Variants in OTUD7A observed in about 807,000 individuals in gnomAD.
OTUD7A encodes OTU deubiquitinase 7A, also known as OTU domain-containing protein 7A.
In OTUD7A, 12 loss-of-function variants were observed where a neutral mutation model predicts 65.7. The ratio of observed to expected loss-of-function variants is 0.18; its 90% CI spans 0.12 to 0.30. The LOEUF (loss-of-function observed/expected upper bound fraction) is 0.30, where lower values mean the gene tolerates loss of function less well. OTUD7A is among the 10% of genes least tolerant of loss of function. The pLI, the probability that OTUD7A is intolerant of heterozygous loss-of-function variation, is 1.00. For missense variants in OTUD7A, 1,148 were observed against 1,304.8 expected, an observed-to-expected ratio of 0.88 and a Z score of 1.85; for synonymous variants, 641 against 586.3, an observed-to-expected ratio of 1.09 and a Z score of -1.35.
chr15:31,537,869 G>A (rs78548845), intron 5 of OTUD7A, among the ~76,000 whole-genome samples: 1 of 152,216 alleles, frequency 6.6e-6, no homozygotes, highest in Non-Finnish European at 1.5e-5. Context: ...AGGAGGGACA[G>A]GGAATATGCT....
At chr15:31,674,502 C>T (rs1892553833) in intron 1 of OTUD7A, among the ~76,000 whole-genome samples, 2 of 152,224 alleles carry the variant, frequency 1.3e-5, no homozygotes, top group African/African-American at 2.4e-5. Flanking sequence ...TACCCTTGCA[C>T]CTACTGCAGA....
intron 8 of OTUD7A, among the ~76,000 whole-genome samples, chr15:31,522,197 G>C (rs11638123): frequency 0.012 from 1,814 of 152,326 alleles, 14 homozygotes; most frequent in Admixed American, 0.02. Context: ...ATTAGCATTT[G>C]AATTGCTGGA....
chr15:31,506,017 C>T (rs988438033), intron 8 of OTUD7A, among the ~76,000 whole-genome samples: 3 of 151,992 alleles, frequency 2.0e-5, no homozygotes, highest in Non-Finnish European at 4.4e-5. Flanking sequence ...GGATTACAGA[C>T]GTGAGCCACC....
intron 3 of OTUD7A, among the ~76,000 whole-genome samples, chr15:31,616,422 G>A (rs1272248425): frequency 6.6e-6 from 1 of 152,186 alleles, no homozygotes; most frequent in Non-Finnish European, 1.5e-5. Flanking sequence ...ATATATATAT[G>A]TGAAAAGAAG....
chr15:31,766,639 A>G (rs1895101021), intron 1 of OTUD7A: 1 of 1,604,750 alleles, frequency 6.2e-7, no homozygotes, highest in Non-Finnish European at 8.5e-7. Context: ...ACTACTTGTT[A>G]AAAGCAAACT....
chr15:31,501,121 T>C (rs1224765213), intron 10 of OTUD7A, among the ~76,000 whole-genome samples: 1 of 152,280 alleles, frequency 6.6e-6, no homozygotes, highest in Non-Finnish European at 1.5e-5. Context: ...TGTTGACCTT[T>C]TGAGTTAAAA....
chr15:31,710,547 A>AG (rs1368748311), intron 1 of OTUD7A, among the ~76,000 whole-genome samples: 61 of 152,244 alleles, frequency 4.0e-4, no homozygotes, highest in African/African-American at 1.3e-3. Flanking sequence ...ACCTCAGGGC[A>AG]GGGGGCACCA....
At chr15:31,736,937 T>A (rs1894209723) in intron 1 of OTUD7A, among the ~76,000 whole-genome samples, 1 of 152,040 alleles carries the variant, frequency 6.6e-6, no homozygotes, top group Non-Finnish European at 1.5e-5. Context: ...TTCTCCTGCC[T>A]CAGCCTCCCA....
chr15:31,680,519 T>A (rs1446742557), intron 1 of OTUD7A, among the ~76,000 whole-genome samples: 1 of 152,134 alleles, frequency 6.6e-6, no homozygotes, highest in East Asian at 1.9e-4. Context: ...GGGAAAAAGG[T>A]CTCATGGGTA....
intron 5 of OTUD7A, chr15:31,557,873 C>G (rs1888550072): frequency 6.6e-6 from 1 of 152,218 alleles, no homozygotes; most frequent in South Asian, 2.1e-4. Flanking sequence ...AAAAGCTCTA[C>G]TCCCTAACAG....
chr15:31,786,467 C>G (rs1595767706), intron 1 of OTUD7A, among the ~76,000 whole-genome samples: 1 of 152,146 alleles, frequency 6.6e-6, no homozygotes, highest in African/African-American at 2.4e-5. Flanking sequence ...TGTGGCACGT[C>G]TGTGTGTGAG....
chr15:31,568,949 C>G (rs1888962105), intron 4 of OTUD7A, among the ~76,000 whole-genome samples: 1 of 152,186 alleles, frequency 6.6e-6, no homozygotes, highest in Admixed American at 6.5e-5. Context: ...TCCTGTAAAG[C>G]CTGCAGAACC....
chr15:31,541,499 C>G (rs1887986569), intron 5 of OTUD7A, among the ~76,000 whole-genome samples: 1 of 152,118 alleles, frequency 6.6e-6, no homozygotes, highest in African/African-American at 2.4e-5. Context: ...GGCTTTGTCT[C>G]TGGTCGTTTG....
intron 1 of OTUD7A, among the ~76,000 whole-genome samples, chr15:31,722,903 T>C (rs184232252): frequency 1.3e-5 from 2 of 152,364 alleles, no homozygotes; most frequent in Admixed American, 6.5e-5. Context: ...GCCTGTCTGA[T>C]TGCCTGGGCA....
chr15:31,683,779 T>C (rs1892774556), intron 1 of OTUD7A, among the ~76,000 whole-genome samples: 1 of 152,118 alleles, frequency 6.6e-6, no homozygotes, highest in Non-Finnish European at 1.5e-5. Flanking sequence ...GGAGTTCTAT[T>C]CCTTCAGAAG....
At chr15:31,842,827 C>T (rs536475300) in intron 1 of OTUD7A, among the ~76,000 whole-genome samples, 1 of 152,172 alleles carries the variant, frequency 6.6e-6, no homozygotes, top group South Asian at 2.1e-4. Flanking sequence ...ATCCCAAATC[C>T]ACTGTTGGGC....
At chr15:31,756,876 C>T (rs1595749124) in intron 1 of OTUD7A, among the ~76,000 whole-genome samples, 1 of 152,162 alleles carries the variant, frequency 6.6e-6, no homozygotes, top group South Asian at 2.1e-4. Flanking sequence ...AGGAACAGTA[C>T]GCACAAGAAA....
intron 1 of OTUD7A, among the ~76,000 whole-genome samples, chr15:31,718,370 CA>C (rs945421708): frequency 6.6e-6 from 1 of 152,186 alleles, no homozygotes; most frequent in African/African-American, 2.4e-5. Context: ...CTTTCTCCTA[CA>C]TTTATTAGCT....
At chr15:31,572,628 TA>T (rs766939102) in intron 3 of OTUD7A, among the ~76,000 whole-genome samples, 2 of 152,214 alleles carry the variant, frequency 1.3e-5, no homozygotes, top group Non-Finnish European at 2.9e-5. Flanking sequence ...TGAGCTGCTT[TA>T]ATTTAGTACA....
Sources: gnomAD v4.1 joint callset for allele counts (sites outside exome capture counted in the v4.1 genomes callset) on GRCh38, gnomAD v4.1.1 for gene constraint, MANE v1.5 for transcripts, NCBI Gene and HGNC (gene_info 2026-07-23, HGNC 2026-07-21) for gene names.